Variants in PDE8B observed in about 807,000 individuals in gnomAD.
The protein encoded by PDE8B is high affinity cAMP-specific and IBMX-insensitive 3',5'-cyclic phosphodiesterase 8B.
Under a neutral mutation model 101.3 loss-of-function variants are expected in PDE8B, and 26 were observed. The observed-to-expected ratio is 0.26, with a 90% CI of 0.19 to 0.36. PDE8B has a LOEUF of 0.36. Among genes scored for constraint, PDE8B ranks in the 10% least tolerant of loss-of-function variants. PDE8B has a pLI of 1.00. For missense variants in PDE8B, 810 were observed against 1,163.1 expected (o/e 0.70, Z 4.42); for synonymous variants, 424 against 429.3 (o/e 0.99, Z 0.15).
the PDE8B span, among the ~76,000 whole-genome samples, chr5:77,164,368 G>A: frequency 2.0e-5 from 3 of 152,184 alleles, no homozygotes; most frequent in East Asian, 3.9e-4. Flanking sequence ...TAAATGTGAT[G>A]GGGTTTTATA....
the PDE8B span, chr5:77,112,147 G>A: frequency 2.6e-5 from 4 of 152,112 alleles, no homozygotes; most frequent in South Asian, 8.3e-4. Flanking sequence ...ATCATAATTG[G>A]AAGTAGGCTC....
intron 1 of PDE8B, among the ~76,000 whole-genome samples, chr5:77,253,217 G>A (rs1352953647): frequency 6.6e-6 from 1 of 152,174 alleles, no homozygotes; most frequent in Admixed American, 6.5e-5. Flanking sequence ...TGTTCCATGT[G>A]TGTTGCGATC....
chr5:77,293,101 A>T (rs902207433), intron 1 of PDE8B, among the ~76,000 whole-genome samples: 2 of 152,166 alleles, frequency 1.3e-5, no homozygotes, highest in Admixed American at 6.5e-5. Context: ...TGAATTATCC[A>T]TTACTTTCTC....
At chr5:77,296,027 G>A (rs552515179) in intron 1 of PDE8B, among the ~76,000 whole-genome samples, 1 of 152,108 alleles carries the variant, frequency 6.6e-6, no homozygotes, top group Non-Finnish European at 1.5e-5. Context: ...CAAGTCAAAT[G>A]ACTACCCCTA....
chr5:77,176,013 C>T, the PDE8B span, among the ~76,000 whole-genome samples: 1 of 152,170 alleles, frequency 6.6e-6, no homozygotes, highest in African/African-American at 2.4e-5. Flanking sequence ...ATGGGGTTAT[C>T]AGTAGATAAC....
chr5:77,180,612 CT>C, the PDE8B span: 2 of 365,960 alleles, frequency 5.5e-6, no homozygotes, highest in Non-Finnish European at 7.6e-6. Flanking sequence ...GCTAGGGTGG[CT>C]TTTTTTCTTT....
intron 11 of PDE8B, among the ~76,000 whole-genome samples, chr5:77,400,574 G>A (rs558904779): frequency 6.6e-6 from 1 of 152,318 alleles, no homozygotes; most frequent in East Asian, 1.9e-4. Flanking sequence ...ACCCAAGAGA[G>A]TGGGCCGAAA....
chr5:77,374,506 G>A (rs1404828287), intron 10 of PDE8B, among the ~76,000 whole-genome samples: 1 of 151,698 alleles, frequency 6.6e-6, no homozygotes, highest in Non-Finnish European at 1.5e-5. Context: ...TGGTTTTTTA[G>A]TTAAATCTCT....
At chr5:77,400,933 T>G (rs997623519) in intron 11 of PDE8B, among the ~76,000 whole-genome samples, 4 of 152,206 alleles carry the variant, frequency 2.6e-5, no homozygotes, top group African/African-American at 9.6e-5. Flanking sequence ...AATTGCAACA[T>G]TCTTTGCCCT....
At chr5:77,218,430 A>G (rs1750292370) in intron 1 of PDE8B, among the ~76,000 whole-genome samples, 1 of 152,214 alleles carries the variant, frequency 6.6e-6, no homozygotes, top group Non-Finnish European at 1.5e-5. Context: ...TTTGAAGGCA[A>G]GAGGGTCCGA....
At chr5:77,090,278 C>T in the PDE8B span, among the ~76,000 whole-genome samples, 164 of 152,158 alleles carry the variant, frequency 1.1e-3, no homozygotes, top group African/African-American at 3.7e-3. Context: ...CTTGCTCTGT[C>T]GCCCAGGCTG....
chr5:77,137,659 C>A, the PDE8B span, among the ~76,000 whole-genome samples: 1 of 152,128 alleles, frequency 6.6e-6, no homozygotes, highest in Non-Finnish European at 1.5e-5. Flanking sequence ...GAAAAAGGCT[C>A]CCTACGGAAA....
chr5:77,360,561 C>A (rs1017048820), intron 10 of PDE8B, among the ~76,000 whole-genome samples: 9 of 152,174 alleles, frequency 5.9e-5, no homozygotes. Context: ...CTAAATCATC[C>A]ATTCAGTGAG....
At chr5:77,203,999 G>T in the PDE8B span, among the ~76,000 whole-genome samples, 9 of 148,710 alleles carry the variant, frequency 6.1e-5, no homozygotes, top group Non-Finnish European at 1.0e-4. Flanking sequence ...TTGCTTTATA[G>T]ATTGTAAATG....
At chr5:77,271,090 C>A (rs1762697113) in intron 1 of PDE8B, among the ~76,000 whole-genome samples, 1 of 152,226 alleles carries the variant, frequency 6.6e-6, no homozygotes, top group African/African-American at 2.4e-5. Flanking sequence ...TAGGCCCCAC[C>A]CTTCTCATGC....
At chr5:77,361,608 A>G (rs1038033978) in intron 10 of PDE8B, among the ~76,000 whole-genome samples, 1 of 149,408 alleles carries the variant, frequency 6.7e-6, no homozygotes, top group Non-Finnish European at 1.5e-5. Flanking sequence ...TCCGCCTCCC[A>G]GGTTCACGCC....
At chr5:77,360,027 G>A (rs1581232004) in intron 10 of PDE8B, among the ~76,000 whole-genome samples, 1 of 151,534 alleles carries the variant, frequency 6.6e-6, no homozygotes, top group South Asian at 2.1e-4. Context: ...GGAGGTGGAG[G>A]TTGTAGCAAG....
intron 10 of PDE8B, among the ~76,000 whole-genome samples, chr5:77,398,195 C>G (rs1000989400): frequency 2.6e-5 from 4 of 151,102 alleles, no homozygotes; most frequent in Admixed American, 6.6e-5. Context: ...GTGCAGAGGC[C>G]TTAATACATA....
rs558901838 is a variant in PDE8B at position 77,355,337 on chromosome 5, A to G, written c.1167+1931A>G. Among the ~76,000 whole-genome samples, 3 of 152,338 alleles carry G rather than the reference A, an allele frequency of 2.0e-5. No homozygotes were observed. The South Asian group carries it at 6.2e-4, about 32-fold the overall frequency. ...CCTGGAGAGACATTTAGATTTTCTA[A>G]TAACAAAGCATTTTTATACCTCTGG... On this transcript the variant is annotated intron_variant, in intron 10 of 21. Transcript: ENST00000264917.
Sources: allele counts gnomAD v4.1 joint callset (sites outside exome capture counted in the v4.1 genomes callset), GRCh38; gene constraint gnomAD v4.1.1; transcripts MANE v1.5; gene names NCBI Gene and HGNC (gene_info 2026-07-23, HGNC 2026-07-21).